IFFO1: variants seen among roughly 807,000 people sequenced by gnomAD.
IFFO1 encodes the protein non-homologous end joining factor IFFO1.
A neutral mutation model predicts 59.6 loss-of-function variants in IFFO1; 42 were observed. The ratio of observed to expected loss-of-function variants is 0.70; its 90% CI spans 0.55 to 0.91. IFFO1 has a LOEUF of 0.91. Ranked by LOEUF, IFFO1 falls within the 40% of genes least tolerant of loss-of-function variation. The pLI is 0.00. For missense variants in IFFO1, 711 were observed against 793.2 expected (o/e 0.90, Z 1.24); for synonymous variants, 336 against 342.8 (o/e 0.98, Z 0.22).
intron 8 of IFFO1, among the ~76,000 whole-genome samples, chr12:6,544,482 A>G (rs1013323533): frequency 6.6e-6 from 1 of 152,190 alleles, no homozygotes; most frequent in Non-Finnish European, 1.5e-5. Context: ...AATAGCTTAA[A>G]AGGCATGATT....
At position 6,541,434 on chromosome 12, in the gene IFFO1, G is replaced by A. The variant is rs1341815854; in HGVS notation, c.1610+78C>T. 1.3e-6 allele frequency: 2 copies of A among 1,561,552 alleles called. No homozygotes were observed. The highest frequency in any genetic ancestry group is 2.2e-5 in the East Asian group (1 of 44,600). On this transcript the variant is annotated intron_variant, in intron 9 of 9. Coordinates refer to ENST00000619571, the MANE Select transcript of IFFO1 (RefSeq NM_001193457.2). The surrounding 1 kb of genome is among the most constrained non-coding windows in gnomAD (Gnocchi z 4.8). ...AAGATGTGACCCAGTCATTGCCTGAGGGTCTCTGGGGCTGTGTTCCAACCT... is the reference window on the plus strand; with the variant it reads ...AAGATGTGACCCAGTCATTGCCTGAAGGTCTCTGGGGCTGTGTTCCAACCT...
rs754994429 is a variant in IFFO1 at position 6,548,883 on chromosome 12, G to A, written c.1081-34C>T. 1 of 1,565,392 alleles carries A rather than the reference G, an allele frequency of 6.4e-7. No individual in the cohort carries two copies. Among genetic ancestry groups the A allele is most frequent in the Non-Finnish European group, 8.7e-7 (1 of 1,150,296 alleles). On this transcript the variant is annotated intron_variant, in intron 5 of 9. Coordinates refer to ENST00000619571, the MANE Select transcript of IFFO1 (RefSeq NM_001193457.2). The surrounding 1 kb of genome is among the most constrained non-coding windows in gnomAD (Gnocchi z 6.1). The stretch of plus-strand genomic sequence containing the variant: ...ACGAGGCCGGGTGCATGAGGAGAAA[G>A]GGCGGGAGCGGGAGGCCGGGCAGAG...
At chr12:6,551,384 G>A (rs1947225466) in intron 1 of IFFO1, 2 of 1,300,386 alleles carry the variant, frequency 1.5e-6, no homozygotes, top group Middle Eastern at 2.4e-4. Context: ...GGTCCACCCG[G>A]CCCAGTCTCC....
chr12:6,548,957 C>A lies in IFFO1; in HGVS notation c.1081-108G>T. 1.1e-6 allele frequency: 1 copy of A among 914,278 alleles called. No homozygotes were observed. Among genetic ancestry groups the A allele is most frequent in the South Asian group, 1.7e-5 (1 of 59,936 alleles). 56.6% of individuals were successfully genotyped at this position (914,278 alleles called of 1,614,324 possible). On this transcript the variant is annotated intron_variant, in intron 5 of 9. Coordinates refer to ENST00000619571, the MANE Select transcript of IFFO1 (RefSeq NM_001193457.2). The surrounding 1 kb of genome is among the most constrained non-coding windows in gnomAD (Gnocchi z 6.1). ...TGAACCAGTAGGAAGGGGGGGCAGA[C>A]AGAGAGAAAAGTCACAGTTACAATG...
chr12:6,552,839 C>G (rs139329674), intron 1 of IFFO1, among the ~76,000 whole-genome samples: 205 of 152,350 alleles, frequency 1.3e-3, no homozygotes, highest in Non-Finnish European at 2.3e-3. Context: ...CAGACAGGTT[C>G]ATTTTCACCT....
In IFFO1 at chr12:6,549,624, G is replaced by C. The variant is rs765532135; in HGVS notation, c.1071+132C>G. 2.2e-5 allele frequency: 31 copies of C among 1,385,092 alleles called. No homozygotes were observed. Among genetic ancestry groups the C allele is most frequent in the Non-Finnish European group, 3.0e-5 (30 of 992,510 alleles). The allele number at this position is 1,385,092 out of a possible 1,614,324, so 85.8% of individuals were successfully genotyped here. On this transcript the variant is annotated intron_variant, in intron 4 of 9. Transcript: ENST00000619571. The surrounding 1 kb of genome is among the most constrained non-coding windows in gnomAD (Gnocchi z 5.0). ...ATGCTGCTCCTTACCCCCCAGTCTA[G>C]CCCCGTGAGGGCCCCAGTTGCCAGG... is the stretch of plus-strand genomic sequence containing the variant.
In IFFO1 at chr12:6,548,901, G is replaced by A. The variant is rs559741305; in HGVS notation, c.1081-52C>T. On this transcript the variant is annotated intron_variant, in intron 5 of 9. Coordinates refer to ENST00000619571, the MANE Select transcript of IFFO1 (RefSeq NM_001193457.2). This position sits in a 1 kb window ranked among gnomAD's most constrained non-coding sequence, Gnocchi z 6.1. ...GGAGAAAGGGCGGGAGCGGGAGGCCGGGCAGAGAGGGTGGGAATGGGGGAG... is the reference window on the plus strand; with the variant it reads ...GGAGAAAGGGCGGGAGCGGGAGGCCAGGCAGAGAGGGTGGGAATGGGGGAG... 30 of 1,493,350 alleles carry A rather than the reference G, an allele frequency of 2.0e-5. No individual in the cohort carries two copies. Among genetic ancestry groups the A allele is most frequent in the Admixed American group, 9.8e-5 (5 of 51,236 alleles). 92.5% of individuals were successfully genotyped at this position (1,493,350 alleles called of 1,614,324 possible).
Position 6,556,016 on chromosome 12 carries a change from A to G in IFFO1, c.14T>C (p.Phe5Ser). 6.3e-7 allele frequency: 1 copy of G among 1,581,144 alleles called. No individual in the cohort carries two copies. The highest frequency in any genetic ancestry group is 8.5e-7 in the Non-Finnish European group (1 of 1,171,596). Residue 5 changes from phenylalanine (F) to serine (S), a missense_variant, in exon 1 of 10, where the codon TTC becomes TCC. By Grantham distance (155) the Phe-to-Ser change is radical. Transcript: ENST00000619571. MNPLFGPNLFLLQQE... is the reference protein window; with the variant it reads MNPLSGPNLFLLQQE... ...CTGCAGGAGGAAGAGGTTGGGGCCG[A>G]ATAACGGATTCATGGCTGCGCCTTC...
chr12:6,545,638 C>A (rs916808051), intron 8 of IFFO1, among the ~76,000 whole-genome samples: 2 of 150,914 alleles, frequency 1.3e-5, no homozygotes, highest in Admixed American at 1.3e-4. Flanking sequence ...GTGGAGCTTG[C>A]AGTGAGCCGA....
At position 6,555,617 on chromosome 12, in the gene IFFO1, C is replaced by A; in HGVS notation, c.413G>T (p.Gly138Val). ...GGCCGGCCGGGCGCCCAGCTGCAGC[C>A]CCAGGGGCCGGATGGGGCTGACGAA... The part of the protein sequence containing the change: ...TGFVSPIRPL[G>V]LQLGARPAAV... The change falls in exon 1 of 10, where the codon GGG becomes GTG. Residue 138 changes from glycine to valine, a missense_variant. Around this residue, in one of 3 missense-constraint regions of IFFO1, gnomAD observed 579 missense variants for 650.3 expected, o/e 0.89. Transcript: ENST00000619571. This position sits in a 1 kb window ranked among gnomAD's most constrained non-coding sequence, Gnocchi z 8.6. 6.8e-7 allele frequency: 1 copy of A among 1,471,930 alleles called. No individual in the cohort carries two copies. 91.2% of individuals were successfully genotyped at this position (1,471,930 alleles called of 1,614,324 possible).
rs1022665044 is a variant in IFFO1, at chr12:6,551,326, C to A, written c.774-325G>T. On this transcript the variant is annotated intron_variant, in intron 1 of 9. Transcript: ENST00000619571. ...CCTGCTCAGGCCCCAGCTCAGCCAG[C>A]TGTCCGGCTGGCCTCATTGCCCACC... 7 of 898,830 alleles carry A rather than the reference C, an allele frequency of 7.8e-6. No homozygotes were observed. In the South Asian group the frequency reaches 1.0e-4, roughly 13 times the overall value. 55.7% of individuals were successfully genotyped at this position (898,830 alleles called of 1,614,324 possible). A position where few individuals can be genotyped will look rare whatever the true frequency, so the allele number is the denominator to read the frequency against.
chr12:6,546,463 T>G (rs1372686750), intron 8 of IFFO1, among the ~76,000 whole-genome samples: 2 of 152,238 alleles, frequency 1.3e-5, no homozygotes, highest in Non-Finnish European at 2.9e-5. Flanking sequence ...ACCTCCATTC[T>G]GTGGTTCCAC....
In IFFO1 at chr12:6,549,596, C is replaced by A; in HGVS notation, c.1072-112G>T. Reference sequence around the variant, plus strand: ...AGAGACAGCTTCCACGATGCCCCTCCTGATGCTGCTCCTTACCCCCCAGTC... The same window carrying A: ...AGAGACAGCTTCCACGATGCCCCTCATGATGCTGCTCCTTACCCCCCAGTC... On this transcript the variant is annotated intron_variant, in intron 4 of 9. Transcript: ENST00000619571. The surrounding 1 kb of genome is among the most constrained non-coding windows in gnomAD (Gnocchi z 5.0). The A allele has an allele frequency of 7.5e-7, 1 of 1,328,390 alleles. No individual in the cohort carries two copies. The highest frequency in any genetic ancestry group is 1.8e-5 in the Admixed American group (1 of 56,408). The allele number at this position is 1,328,390 out of a possible 1,614,324, so 82.3% of individuals were successfully genotyped here.
rs146118112 is a variant in IFFO1 at position 6,543,574 on chromosome 12, G to A, written c.1480-1932C>T. 3.2e-3 allele frequency: 503 copies of A among 155,156 alleles called. 1 individual carries two copies. Among genetic ancestry groups the A allele is most frequent in the Non-Finnish European group, 5.9e-3 (412 of 70,410 alleles). 9.6% of individuals were successfully genotyped at this position (155,156 alleles called of 1,614,324 possible). ...TCTCCCATCACCCCCAGATGGGACC[G>A]TCTAGTTGCGGAAAACAAGTTCATG... On this transcript the variant is annotated intron_variant, in intron 8 of 9. Transcript: ENST00000619571.
At chr12:6,545,922 G>A (rs1946941459) in intron 8 of IFFO1, among the ~76,000 whole-genome samples, 1 of 152,200 alleles carries the variant, frequency 6.6e-6, no homozygotes, top group Non-Finnish European at 1.5e-5. Flanking sequence ...ATTTGGATAT[G>A]TGAAAGAGAA....
intron 8 of IFFO1, among the ~76,000 whole-genome samples, chr12:6,545,698 G>GAA (rs375842023): frequency 0.15 from 17,952 of 121,888 alleles, 1,514 homozygotes; most frequent in East Asian, 0.3. Context: ...ACTCCGTCTC[G>GAA]GAAAAAAAAA....
chr12:6,553,727 A>G (rs772357662), intron 1 of IFFO1, among the ~76,000 whole-genome samples: 1 of 152,136 alleles, frequency 6.6e-6, no homozygotes, highest in Non-Finnish European at 1.5e-5. Context: ...AGCTGTGATG[A>G]CGCTACTGCA....
chr12:6,541,458 C>A lies in IFFO1; in HGVS notation c.1610+54G>T, dbSNP rs536551828. The stretch of plus-strand genomic sequence containing the variant: ...AGGGTCTCTGGGGCTGTGTTCCAAC[C>A]TTTCTCCCCGCTGTGTCCCCCTGGA... On this transcript the variant is annotated intron_variant, in intron 9 of 9. Transcript: ENST00000619571. The surrounding 1 kb of genome is among the most constrained non-coding windows in gnomAD (Gnocchi z 4.8). The A allele has an allele frequency of 2.3e-4, 363 of 1,604,132 alleles. 4 individuals carry two copies. The South Asian group carries it at 3.8e-3, about 17-fold the overall frequency.
At chr12:6,552,754 A>G (rs1431838350) in intron 1 of IFFO1, among the ~76,000 whole-genome samples, 1 of 152,186 alleles carries the variant, frequency 6.6e-6, no homozygotes, top group Non-Finnish European at 1.5e-5. Context: ...GAAATCTTAC[A>G]GGGTAAAAAA....
Sources: gnomAD v4.1 joint callset for allele counts (sites outside exome capture counted in the v4.1 genomes callset) on GRCh38, gnomAD v4.1.1 for gene constraint, gnomAD v4.1.1 regional missense constraint, Gnocchi (gnomAD v3.1) non-coding constraint, MANE v1.5 for transcripts, NCBI Gene and HGNC (gene_info 2026-07-23, HGNC 2026-07-21) for gene names.